TNIK: variants seen among roughly 807,000 people sequenced by gnomAD.
The protein encoded by TNIK is TRAF2 and NCK interacting kinase, also known as TRAF2 and NCK-interacting protein kinase.
Under a neutral mutation model 191.3 loss-of-function variants are expected in TNIK, and 49 were observed. The observed-to-expected ratio is 0.26, with a 90% CI of 0.20 to 0.32. The LOEUF (loss-of-function observed/expected upper bound fraction) is 0.32, where lower values mean the gene tolerates loss of function less well. Among genes scored for constraint, TNIK ranks in the 10% least tolerant of loss-of-function variants. The pLI is 1.00. For synonymous variants in TNIK, 594 were observed against 600.9 expected (o/e 0.99, Z 0.17); for missense variants, 1,155 against 1,702.3 (o/e 0.68, Z 5.66).
chr3:171,172,886 A>C (rs1735486971), intron 9 of TNIK, among the ~76,000 whole-genome samples: 1 of 152,200 alleles, frequency 6.6e-6, no homozygotes, highest in South Asian at 2.1e-4. Flanking sequence ...TATTAAAATT[A>C]GTTGTTGTCA....
intron 1 of TNIK, among the ~76,000 whole-genome samples, chr3:171,437,712 C>T (rs1361327012): frequency 6.6e-6 from 1 of 152,246 alleles, no homozygotes; most frequent in Non-Finnish European, 1.5e-5. Flanking sequence ...TATCAGGTAA[C>T]TGAAATCCAC....
chr3:171,382,993 T>G (rs552237558), intron 1 of TNIK, among the ~76,000 whole-genome samples: 1 of 152,212 alleles, frequency 6.6e-6, no homozygotes, highest in South Asian at 2.1e-4. Flanking sequence ...CCAGACATTA[T>G]GCAGGGTATT....
chr3:171,151,628 C>T (rs751269374), intron 12 of TNIK, among the ~76,000 whole-genome samples: 2 of 152,204 alleles, frequency 1.3e-5, no homozygotes, highest in African/African-American at 2.4e-5. Flanking sequence ...AAAGAACTTA[C>T]TCAGGTCACA....
chr3:171,256,343 G>A (rs960090779), intron 2 of TNIK, among the ~76,000 whole-genome samples: 1 of 152,204 alleles, frequency 6.6e-6, no homozygotes, highest in Non-Finnish European at 1.5e-5. Context: ...AGGAGAAAGA[G>A]AATCGATAAA....
At chr3:171,416,863 T>C (rs1029474536) in intron 1 of TNIK, among the ~76,000 whole-genome samples, 1 of 152,220 alleles carries the variant, frequency 6.6e-6, no homozygotes, top group African/African-American at 2.4e-5. Context: ...ATAAAGTTCT[T>C]ATTAAATGCT....
chr3:171,212,937 C>T (rs1178732883), intron 3 of TNIK, among the ~76,000 whole-genome samples: 2 of 152,042 alleles, frequency 1.3e-5, no homozygotes, highest in African/African-American at 2.4e-5. Context: ...TTACATATCA[C>T]ATGGCTTAAC....
intron 1 of TNIK, among the ~76,000 whole-genome samples, chr3:171,412,040 G>A (rs1301982774): frequency 2.6e-5 from 4 of 152,082 alleles, no homozygotes; most frequent in Admixed American, 2.0e-4. Context: ...CCTGCTGAGG[G>A]GCTTCTTGAG....
chr3:171,339,493 G>T (rs541374224), intron 2 of TNIK, among the ~76,000 whole-genome samples: 1 of 152,272 alleles, frequency 6.6e-6, no homozygotes, highest in African/African-American at 2.4e-5. Context: ...GAAGCTTTTC[G>T]TCATTAGAAT....
At chr3:171,123,491 A>G (rs1576889879) in intron 18 of TNIK, 105 bp downstream of exon 18, 6 of 919,680 alleles carry the variant, frequency 6.5e-6, no homozygotes, top group Non-Finnish European at 3.1e-6. Flanking sequence ...TGGAAAGTCA[A>G]CCTGCCTCTG....
intron 7 of TNIK, among the ~76,000 whole-genome samples, chr3:171,187,401 A>G (rs924843860): frequency 6.6e-6 from 1 of 152,174 alleles, no homozygotes; most frequent in Non-Finnish European, 1.5e-5. Flanking sequence ...GAGGAAATTT[A>G]TGGGAGATTA....
intron 9 of TNIK, 30 bp from the exon 10 acceptor site, chr3:171,167,300 T>C: frequency 6.3e-7 from 1 of 1,598,042 alleles, no homozygotes; most frequent in Non-Finnish European, 8.5e-7. Flanking sequence ...AATCCACAGA[T>C]AAAACGGCGA....
intron 2 of TNIK, among the ~76,000 whole-genome samples, chr3:171,306,290 A>T (rs938508761): frequency 6.6e-6 from 1 of 152,148 alleles, no homozygotes; most frequent in African/African-American, 2.4e-5. Flanking sequence ...AAGTCATTAA[A>T]CAATCTGTAC....
intron 1 of TNIK, among the ~76,000 whole-genome samples, chr3:171,403,220 A>G (rs541660164): frequency 6.6e-6 from 1 of 152,336 alleles, no homozygotes; most frequent in African/African-American, 2.4e-5. Context: ...TGCTGTGGCT[A>G]AATACGTTAA....
intron 20 of TNIK, 85 bp from the exon 21 acceptor site, chr3:171,107,291 A>G: frequency 7.7e-7 from 1 of 1,297,712 alleles, no homozygotes; most frequent in Non-Finnish European, 1.1e-6. Flanking sequence ...ACAAAATTGT[A>G]ATTGTTAGTA....
chr3:171,336,155 T>C (rs984612548), intron 2 of TNIK, among the ~76,000 whole-genome samples: 8 of 152,222 alleles, frequency 5.3e-5, no homozygotes, highest in African/African-American at 1.9e-4. Flanking sequence ...TTTTGACTGA[T>C]ATCCGTTAAT....
At position 171,063,037 on chromosome 3, in the gene TNIK, T is replaced by G. The variant is rs963370404; in HGVS notation, c.*844A>C. On this transcript the variant is annotated 3_prime_UTR_variant, in exon 33 of 33. Coordinates refer to ENST00000436636, the MANE Select transcript of TNIK (RefSeq NM_015028.4). ...CCATCTTTTTCCCTGATCTGTTGCA[T>G]AATAGCTGAGGGAAAGTTGTGTTAG... 5.3e-5 allele frequency: 8 copies of G among 152,324 alleles called. No homozygotes were observed. Among genetic ancestry groups the G allele is most frequent in the Admixed American group, 4.6e-4 (7 of 15,300 alleles). 9.4% of individuals were successfully genotyped at this position (152,324 alleles called of 1,614,324 possible).
intron 12 of TNIK, among the ~76,000 whole-genome samples, chr3:171,152,532 G>A (rs983045086): frequency 2.0e-5 from 3 of 152,056 alleles, no homozygotes; most frequent in Admixed American, 6.5e-5. Flanking sequence ...TTGGTGGTGG[G>A]AACAAGCTTT....
intron 3 of TNIK, among the ~76,000 whole-genome samples, chr3:171,222,574 A>G (rs1742488785): frequency 6.6e-6 from 1 of 152,148 alleles, no homozygotes; most frequent in African/African-American, 2.4e-5. Flanking sequence ...ACTTGGAACA[A>G]TGTGTCCACC....
At chr3:171,459,257 A>G (rs922888157) in intron 1 of TNIK, among the ~76,000 whole-genome samples, 3 of 150,210 alleles carry the variant, frequency 2.0e-5, no homozygotes, top group Admixed American at 2.0e-4. Flanking sequence ...CACACACTCC[A>G]GGGAGTTCCG....
Sources: allele counts gnomAD v4.1 joint callset (sites outside exome capture counted in the v4.1 genomes callset), GRCh38; gene constraint gnomAD v4.1.1; transcripts MANE v1.5; gene names NCBI Gene and HGNC (gene_info 2026-07-23, HGNC 2026-07-21).